The following MYH11 variants were observed in gnomAD, a reference collection of about 807,000 sequenced individuals.
The protein encoded by MYH11 is myosin heavy chain 11.
A neutral mutation model predicts 246.6 loss-of-function variants in MYH11; 80 were observed. The ratio of observed to expected loss-of-function variants is 0.32; its 90% CI spans 0.27 to 0.39. The LOEUF is 0.39. Among genes scored for constraint, MYH11 ranks in the 10% least tolerant of loss-of-function variants. The pLI is 1.00. For synonymous variants in MYH11, 1,071 were observed against 1,015.5 expected, an observed-to-expected ratio of 1.05 and a Z score of -1.04; for missense variants, 2,158 against 2,546.8, an observed-to-expected ratio of 0.85 and a Z score of 3.29.
At chr16:15,817,466 G>C (rs532674018) in intron 3 of MYH11, among the ~76,000 whole-genome samples, 3 of 152,034 alleles carry the variant, frequency 2.0e-5, no homozygotes, top group South Asian at 2.1e-4. Flanking sequence ...AGCTGAGATC[G>C]TGCTGCTGCA....
intron 2 of MYH11, among the ~76,000 whole-genome samples, chr16:15,833,024 A>G (rs2043784460): frequency 8.2e-6 from 1 of 121,758 alleles, no homozygotes; most frequent in South Asian, 2.8e-4. Flanking sequence ...GTGCAGTGGC[A>G]CAATATCATG....
chr16:15,803,247 C>G (rs556936120), intron 3 of MYH11, among the ~76,000 whole-genome samples: 5 of 151,612 alleles, frequency 3.3e-5, no homozygotes, highest in African/African-American at 1.2e-4. Flanking sequence ...GAAATTCACT[C>G]GAGGACAGAG....
chr16:15,720,258 C>T lies in MYH11; in HGVS notation c.4846G>A (p.Ala1616Thr). Residue 1616 changes from alanine to threonine, a missense_variant, in exon 34 of 41, where the codon GCT (alanine) becomes ACT (threonine). Ala to Thr is a moderately conservative substitution (Grantham distance 58). Transcript: ENST00000300036. ...CCTTCCAGCTTCTTCTTTGCTGCAGCTGCCAGGGCACGTTGCTTTCGCTCG... is the reference window on the plus strand; with the variant it reads ...CCTTCCAGCTTCTTCTTTGCTGCAGTTGCCAGGGCACGTTGCTTTCGCTCG... ...EDERKQRALA[A>T]AAKKKLEGDL... is the part of the protein sequence containing the mutation. 1 of 1,614,156 alleles carries T rather than the reference C, an allele frequency of 6.2e-7. No individual in the cohort carries two copies. The highest frequency in any genetic ancestry group is 8.5e-7 in the Non-Finnish European group (1 of 1,180,026).
intron 40 of MYH11, among the ~76,000 whole-genome samples, chr16:15,707,754 C>T (rs188476655): frequency 6.6e-6 from 1 of 152,082 alleles, no homozygotes; most frequent in Non-Finnish European, 1.5e-5. Flanking sequence ...CGCGGATCAC[C>T]TGAAGTCAGG....
chr16:15,804,704 TTC>T (rs1432903814), intron 3 of MYH11, among the ~76,000 whole-genome samples: 2 of 152,158 alleles, frequency 1.3e-5, no homozygotes, highest in African/African-American at 4.8e-5. Context: ...CCAATTTGCT[TTC>T]TGTCTCTATG....
intron 6 of MYH11, among the ~76,000 whole-genome samples, chr16:15,780,271 T>TGG (rs765487404): frequency 7.0e-6 from 1 of 142,420 alleles, no homozygotes; most frequent in African/African-American, 2.6e-5. Context: ...TGTCACATGT[T>TGG]GGGGGGGGGC....
chr16:15,841,698 C>T lies in MYH11; in HGVS notation c.-17-3429G>A, dbSNP rs188373260. Among the ~76,000 whole-genome samples the T allele has an allele frequency of 6.2e-4, 94 of 152,324 alleles. 2 individuals carry two copies. Among genetic ancestry groups the T allele is most frequent in the Admixed American group, 6.5e-5 (1 of 15,296 alleles). ...CACTCTATAGGCCTGTCCGGCCCCC[C>T]GTTCCTGACTCTCTGACCATAGCTG... is the stretch of plus-strand genomic sequence containing the variant. On this transcript the variant is annotated intron_variant, in intron 1 of 40. Coordinates refer to ENST00000300036, the MANE Select transcript of MYH11 (RefSeq NM_002474.3).
intron 2 of MYH11, among the ~76,000 whole-genome samples, chr16:15,832,141 G>GA (rs1212653948): frequency 1.3e-5 from 2 of 152,062 alleles, no homozygotes; most frequent in African/African-American, 2.4e-5. Flanking sequence ...CTCTAAGGCG[G>GA]AAAAATTGTC....
In MYH11 at chr16:15,724,348, C is replaced by T. The variant is rs2040638571; in HGVS notation, c.4178G>A (p.Gly1393Glu). The T allele has an allele frequency of 1.2e-6, 2 of 1,614,044 alleles. No individual in the cohort carries two copies. The highest frequency in any genetic ancestry group is 1.7e-5 in the Admixed American group (1 of 60,000). ...FASTVEALEE[G>E]KKRFQKEIEN... ...GATCTCCTTCTGGAACCTCTTCTTCCCCTCTTCCAGAGCTTCCACGGTGCT... is the reference window on the plus strand; with the variant it reads ...GATCTCCTTCTGGAACCTCTTCTTCTCCTCTTCCAGAGCTTCCACGGTGCT... Residue 1393 changes from glycine (G) to glutamate (E), a missense_variant, in exon 31 of 41, where the codon GGG (glycine) becomes GAG (glutamate). By Grantham distance (98) the Gly-to-Glu change is moderately conservative. Transcript: ENST00000300036.
At chr16:15,795,014 G>T (rs922526849) in intron 4 of MYH11, among the ~76,000 whole-genome samples, 2 of 152,216 alleles carry the variant, frequency 1.3e-5, no homozygotes, top group African/African-American at 2.4e-5. Context: ...AATCAGAACT[G>T]CAGGATGGGC....
Position 15,737,159 on chromosome 16 carries a change from C to A in MYH11, c.3293+290G>T, listed in dbSNP as rs11864923. On this transcript the variant is annotated intron_variant, in intron 25 of 40. Transcript: ENST00000300036. ...GGCAATCGGAAATTCAGAAGGGGGT[C>A]TAGATGAGAAAAGCCTGGATGTCGA... 0.02 allele frequency among the ~76,000 whole-genome samples: 3,089 copies of A among 152,104 alleles called. 77 individuals carry two copies. The highest frequency in any genetic ancestry group is 0.058 in the African/African-American group (2,406 of 41,474).
chr16:15,741,112 T>C, intron 22 of MYH11: 1 of 410,380 alleles, frequency 2.4e-6, no homozygotes, highest in South Asian at 2.1e-5. Context: ...ACCACTCACC[T>C]AAGCCACTCT....
chr16:15,835,095 A>T (rs2043857859), intron 2 of MYH11, among the ~76,000 whole-genome samples: 2 of 150,886 alleles, frequency 1.3e-5, no homozygotes, highest in Admixed American at 1.3e-4. Flanking sequence ...AAAAAAAAAA[A>T]AGTTATGAGT....
intron 28 of MYH11, 140 bp from the exon 29 acceptor site, chr16:15,725,132 G>T: frequency 5.2e-5 from 30 of 579,468 alleles, no homozygotes; most frequent in Non-Finnish European, 6.6e-5. Context: ...ATGGGACTCT[G>T]ATAAAAAAAA....
chr16:15,711,796 G>A (rs1051376525), intron 40 of MYH11, among the ~76,000 whole-genome samples: 1 of 152,086 alleles, frequency 6.6e-6, no homozygotes, highest in African/African-American at 2.4e-5. Context: ...AGGTTCAAGC[G>A]ATTCTCCTGC....
intron 15 of MYH11, among the ~76,000 whole-genome samples, chr16:15,752,461 C>A (rs564388362): frequency 1.3e-5 from 2 of 152,176 alleles, no homozygotes; most frequent in African/African-American, 4.8e-5. Context: ...CAAAGGGAGC[C>A]GGAGTGTGGT....
intron 7 of MYH11, among the ~76,000 whole-genome samples, chr16:15,778,038 A>G (rs1289541039): frequency 6.6e-6 from 1 of 152,124 alleles, no homozygotes; most frequent in African/African-American, 2.4e-5. Flanking sequence ...CCCAGGTCCT[A>G]TACATTGCCA....
Position 15,771,678 on chromosome 16 carries a change from G to A in MYH11, c.924C>T (p.Thr308=), listed in dbSNP as rs2042105295. 1 of 1,613,966 alleles carries A rather than the reference G, an allele frequency of 6.2e-7. No individual in the cohort carries two copies. Among genetic ancestry groups the A allele is most frequent in the African/African-American group, 1.3e-5 (1 of 74,886 alleles). The change falls in exon 9 of 41, where the codon ACC becomes ACT. Residue 308 remains threonine (T), a synonymous_variant. Coordinates refer to ENST00000300036, the MANE Select transcript of MYH11 (RefSeq NM_002474.3). ...TGGGCACAAAGCCATTGGAGAGGAA[G>A]GTGTAGTTGTTGAAGCCCTCCAAAA... ...DLLLEGFNNY[T]FLSNGFVPIP...
chr16:15,712,315 G>A (rs564691257), intron 40 of MYH11, among the ~76,000 whole-genome samples: 30 of 152,196 alleles, frequency 2.0e-4, no homozygotes, highest in Admixed American at 7.9e-4. Context: ...ATTCTAAAGC[G>A]CCAAGATTAG....
Sources: allele counts gnomAD v4.1 joint callset (sites outside exome capture counted in the v4.1 genomes callset), GRCh38; gene constraint gnomAD v4.1.1; transcripts MANE v1.5; gene names NCBI Gene and HGNC (gene_info 2026-07-23, HGNC 2026-07-21).